Variants in LRRC45 observed in about 807,000 individuals in gnomAD.
LRRC45 encodes leucine rich repeat containing 45, also known as leucine-rich repeat-containing protein 45.
LRRC45 carries 73 observed loss-of-function variants against 85.4 expected under a neutral mutation model. That is an observed-to-expected ratio of 0.85 (90% CI 0.71 to 1.04). The LOEUF is 1.04. Ranked by LOEUF, LRRC45 falls within the 50% of genes least tolerant of loss-of-function variation. The pLI, the probability that LRRC45 is intolerant of heterozygous loss-of-function variation, is 0.00. For missense variants in LRRC45, 937 were observed against 883.3 expected (o/e 1.06, Z -0.77); for synonymous variants, 429 against 386.0 (o/e 1.11, Z -1.31).
rs760799378 is a variant in LRRC45 at position 82,028,493 on chromosome 17, G to C, written c.1222G>C (p.Ala408Pro). The change falls in exon 11 of 17, where the codon GCC (alanine) becomes CCC (proline). Residue 408 changes from alanine to proline, a missense_variant. Ala to Pro is a conservative substitution (Grantham distance 27, BLOSUM62 -1). Transcript: ENST00000306688. ...CATGTCAGCTGAGCTGAAGATGCGG[G>C]CCATCCAGGCCGAGGGTGGGCACGG... ...TSMSAELKMRAIQAEERLDME... is the reference protein window; with the variant it reads ...TSMSAELKMRPIQAEERLDME... 5.0e-6 allele frequency: 8 copies of C among 1,612,296 alleles called. No homozygotes were observed. The South Asian group carries it at 8.8e-5, about 18-fold the overall frequency.
chr17:82,029,529 G>A lies in LRRC45; in HGVS notation c.1402-14G>A. On this transcript the variant is annotated splice_polypyrimidine_tract_variant and intron_variant, in intron 13 of 16. Coordinates refer to ENST00000306688, the MANE Select transcript of LRRC45 (RefSeq NM_144999.4). ...GGGACAGGAGAACGGGCTGGCAGGT[G>A]GCCATCTGTGCAGGAGCTGAGCCGA... 6.4e-7 allele frequency: 1 copy of A among 1,558,542 alleles called. No individual in the cohort carries two copies. The highest frequency in any genetic ancestry group is 8.7e-7 in the Non-Finnish European group (1 of 1,152,708).
chr17:82,025,056 G>A lies in LRRC45; in HGVS notation c.410G>A (p.Cys137Tyr). Residue 137 changes from cysteine (C) to tyrosine (Y), a missense_variant, in exon 4 of 17, where the codon TGC (cysteine) becomes TAC (tyrosine). Transcript: ENST00000306688. The part of the protein sequence containing the change: ...GTWDDAFATF[C>Y]GGLAANGALQ... ...TGGGACGATGCCTTCGCCACCTTCT[G>A]CGGGGGCCTGGCGGCCAACGGCGCC... The A allele has an allele frequency of 6.2e-7, 1 of 1,608,778 alleles. No individual in the cohort carries two copies. The highest frequency in any genetic ancestry group is 1.3e-5 in the African/African-American group (1 of 74,972).
chr17:82,024,627 G>A (rs550468382), intron 2 of LRRC45, 66 bp from the exon 3 acceptor site: 10 of 1,506,194 alleles, frequency 6.6e-6, no homozygotes, highest in Admixed American at 2.1e-5. Flanking sequence ...AAGGCCCTTG[G>A]GGCATGGGCG....
In LRRC45 at chr17:82,025,465, C is replaced by G; in HGVS notation, c.619C>G (p.Leu207Val). 6.2e-7 allele frequency: 1 copy of G among 1,609,624 alleles called. No homozygotes were observed. Among genetic ancestry groups the G allele is most frequent in the Non-Finnish European group, 8.5e-7 (1 of 1,178,108 alleles). ...PSNRTLWRLD[L>V]AGNNIPGDVL... The stretch of plus-strand genomic sequence containing the variant: ...CAACAGAACCCTGTGGAGACTGGAC[C>G]TGGCTGGGAACAACATCCCTGGAGA... The change falls in exon 5 of 17, where the codon CTG becomes GTG. Residue 207 changes from leucine (L) to valine (V), a missense_variant. By Grantham distance (32) the Leu-to-Val change is conservative. Transcript: ENST00000306688.
intron 12 of LRRC45, 59 bp downstream of exon 12, chr17:82,028,742 G>A (rs2043390724): frequency 1.9e-6 from 3 of 1,541,628 alleles, no homozygotes; most frequent in South Asian, 2.4e-5. Flanking sequence ...TCACGCAGGT[G>A]TCCCCAAAGC....
At chr17:82,028,802 G>A (rs991926667) in intron 12 of LRRC45, 119 bp downstream of exon 12, 99 of 1,164,244 alleles carry the variant, frequency 8.5e-5, no homozygotes, top group Middle Eastern at 2.6e-4. Flanking sequence ...CTGGGTGGCC[G>A]TATTTTGCCA....
chr17:82,029,404 A>T, intron 13 of LRRC45, 139 bp from the exon 14 acceptor site: 1 of 1,026,984 alleles, frequency 9.7e-7, no homozygotes, highest in Non-Finnish European at 1.4e-6. Flanking sequence ...CCAGCGAGCT[A>T]GGTGGCAGAG....
chr17:82,030,550 TGAGGCC>T, intron 16 of LRRC45, 53 bp from the exon 17 acceptor site: 2 of 1,486,628 alleles, frequency 1.3e-6, no homozygotes, highest in East Asian at 5.0e-5. Flanking sequence ...TCTCCCGTGC[TGAGGCC>T]GTGCCACGGT....
Position 82,030,057 on chromosome 17 carries a change from G to T in LRRC45, c.1495-8G>T. ...CCTCATGCTTCGTGGCGGCCCCTGTGCTCACAGCAACAGCGCCTGGCTCAC... is the reference window on the plus strand; with the variant it reads ...CCTCATGCTTCGTGGCGGCCCCTGTTCTCACAGCAACAGCGCCTGGCTCAC... On this transcript the variant is annotated splice_polypyrimidine_tract_variant and splice_region_variant and intron_variant, in intron 14 of 16. Coordinates refer to ENST00000306688, the MANE Select transcript of LRRC45 (RefSeq NM_144999.4). 6.5e-7 allele frequency: 1 copy of T among 1,541,938 alleles called. No homozygotes were observed. The highest frequency in any genetic ancestry group is 1.4e-5 in the African/African-American group (1 of 73,082).
chr17:82,027,291 C>T (rs1334449576), intron 6 of LRRC45, 95 bp from the exon 7 acceptor site: 1 of 1,485,530 alleles, frequency 6.7e-7, no homozygotes, highest in East Asian at 2.3e-5. Context: ...CGCTGCCTTG[C>T]CACATTGGTG....
chr17:82,026,673 G>A (rs753365071), intron 5 of LRRC45: 55 of 387,502 alleles, frequency 1.4e-4, no homozygotes, highest in East Asian at 6.7e-4. Context: ...TCCACCTCCC[G>A]GTTCAAGCGA....
chr17:82,026,347 C>G (rs992348669), intron 5 of LRRC45, among the ~76,000 whole-genome samples: 1 of 152,230 alleles, frequency 6.6e-6, no homozygotes, highest in African/African-American at 2.4e-5. Context: ...ACCTCTGCCC[C>G]ACATGTGCAC....
In LRRC45 at chr17:82,030,600, G is replaced by C. The variant is rs951181238; in HGVS notation, c.1817-9G>C. ...GCTGCGTCCGCTCACTGCGCTCCTT[G>C]CCCTGCAGTGATGGCGAGCGACCAC... is the stretch of plus-strand genomic sequence containing the variant. On this transcript the variant is annotated splice_polypyrimidine_tract_variant and intron_variant, in intron 16 of 16. Transcript: ENST00000306688. The C allele has an allele frequency of 2.1e-6, 3 of 1,444,242 alleles. No homozygotes were observed. The highest frequency in any genetic ancestry group is 2.7e-6 in the Non-Finnish European group (3 of 1,102,558). 89.5% of individuals were successfully genotyped at this position (1,444,242 alleles called of 1,614,324 possible).
At position 82,030,667 on chromosome 17, in the gene LRRC45, C is replaced by G. The variant is rs755661002; in HGVS notation, c.1875C>G (p.Leu625=). The change falls in exon 17 of 17, where the codon CTC becomes CTG. Residue 625 remains leucine (L), a synonymous_variant. Transcript: ENST00000306688. ...ACAGGGAGAGCGAGAACGCGTCTCT[C>G]CGGGAGAAGCTGCGGCTCCGGGAGG... The part of the protein sequence containing the change: ...LLDRESENAS[L]REKLRLREAE... 7.5e-6 allele frequency: 11 copies of G among 1,463,136 alleles called. No individual in the cohort carries two copies. The highest frequency in any genetic ancestry group is 1.0e-5 in the Non-Finnish European group (11 of 1,098,980). 90.6% of individuals were successfully genotyped at this position (1,463,136 alleles called of 1,614,324 possible).
chr17:82,023,599 C>G lies in LRRC45; in HGVS notation c.-45C>G. The G allele has an allele frequency of 1.4e-6, 2 of 1,459,658 alleles. No homozygotes were observed. Among genetic ancestry groups the G allele is most frequent in the Non-Finnish European group, 1.8e-6 (2 of 1,100,572 alleles). 90.4% of individuals were successfully genotyped at this position (1,459,658 alleles called of 1,614,324 possible). On this transcript the variant is annotated 5_prime_UTR_variant, in exon 1 of 17. Transcript: ENST00000306688. ...TCCGCACCGCGCGGCTCCCTTTCAG[C>G]AGCTGCGGGAGCATGCGGAGGAGGC...
rs1301257451 is a variant in LRRC45 at position 82,028,146 on chromosome 17, G to A, written c.1047G>A (p.Gln349=). ...CCAAGGAGCTCAAGCTGGAGCAGCAGGTGGGTGGGCAGGGCTTGAGAGGGG... is the reference window on the plus strand; with the variant it reads ...CCAAGGAGCTCAAGCTGGAGCAGCAAGTGGGTGGGCAGGGCTTGAGAGGGG... ...RQAKELKLEQ[Q]EAAERESKLL... is the part of the protein sequence containing the mutation. Residue 349 remains glutamine (Q), a splice_region_variant and synonymous_variant, in exon 9 of 17, where the codon CAG becomes CAA. Coordinates refer to ENST00000306688, the MANE Select transcript of LRRC45 (RefSeq NM_144999.4). 2 of 1,565,490 alleles carry A rather than the reference G, an allele frequency of 1.3e-6. No individual in the cohort carries two copies. Among genetic ancestry groups the A allele is most frequent in the South Asian group, 1.2e-5 (1 of 85,622 alleles).
At chr17:82,029,782 C>T (rs539957625) in intron 14 of LRRC45, 147 bp downstream of exon 14, 25 of 856,448 alleles carry the variant, frequency 2.9e-5, no homozygotes, top group East Asian at 1.9e-4. Flanking sequence ...CTGGTGGGTC[C>T]GCTTCAGCCT....
At chr17:82,024,883 CA>C in intron 3 of LRRC45, 116 bp from the exon 4 acceptor site, 7 of 1,434,304 alleles carry the variant, frequency 4.9e-6, no homozygotes, top group Non-Finnish European at 6.5e-6. Flanking sequence ...CATACGTTGG[CA>C]GGGGTAGGCA....
At position 82,027,755 on chromosome 17, in the gene LRRC45, A is replaced by C. The variant is rs1263917598; in HGVS notation, c.911+4A>C. 3.1e-6 allele frequency: 5 copies of C among 1,610,132 alleles called. No individual in the cohort carries two copies. Among genetic ancestry groups the C allele is most frequent in the Non-Finnish European group, 4.2e-6 (5 of 1,178,698 alleles). On this transcript the variant is annotated splice_donor_region_variant and intron_variant, in intron 8 of 16. Coordinates refer to ENST00000306688, the MANE Select transcript of LRRC45 (RefSeq NM_144999.4). Reference sequence around the variant, plus strand: ...TCATCAACGCTCTCAAGGCCAAGTAAGTGGGGGGTGGCCTCAGGATACTTC... The same window carrying C: ...TCATCAACGCTCTCAAGGCCAAGTACGTGGGGGGTGGCCTCAGGATACTTC...
Sources: allele counts gnomAD v4.1 joint callset (sites outside exome capture counted in the v4.1 genomes callset), GRCh38; gene constraint gnomAD v4.1.1; transcripts MANE v1.5; gene names NCBI Gene and HGNC (gene_info 2026-07-23, HGNC 2026-07-21).